CNTN5: variants seen among roughly 807,000 people sequenced by gnomAD.
CNTN5 encodes the protein contactin 5.
A neutral mutation model predicts 129.1 loss-of-function variants in CNTN5; 77 were observed. That is an observed-to-expected ratio of 0.60 (90% CI 0.50 to 0.72). CNTN5 has a LOEUF of 0.72. Among genes scored for constraint, CNTN5 ranks in the 30% least tolerant of loss-of-function variants. The pLI is 0.00. For synonymous variants in CNTN5, 509 were observed against 465.6 expected (o/e 1.09, Z -1.20); for missense variants, 1,478 against 1,328.8 (o/e 1.11, Z -1.75).
intron 3 of CNTN5, among the ~76,000 whole-genome samples, chr11:99,727,565 A>G (rs149397309): frequency 6.6e-6 from 1 of 150,822 alleles, no homozygotes; most frequent in Non-Finnish European, 1.5e-5. Flanking sequence ...TATATTTCCC[A>G]TTTCCAAGTA....
At chr11:99,834,829 A>C (rs943570645) in intron 4 of CNTN5, among the ~76,000 whole-genome samples, 8 of 152,184 alleles carry the variant, frequency 5.3e-5, no homozygotes, top group African/African-American at 1.9e-4. Flanking sequence ...ATATGATTTT[A>C]TAATTTACAA....
At chr11:99,970,754 T>C (rs1951227879) in intron 8 of CNTN5, among the ~76,000 whole-genome samples, 1 of 152,218 alleles carries the variant, frequency 6.6e-6, no homozygotes, top group African/African-American at 2.4e-5. Context: ...ATTGCTGTTG[T>C]TGTTTATTGT....
intron 2 of CNTN5, among the ~76,000 whole-genome samples, chr11:99,521,776 T>C (rs1158994741): frequency 6.6e-6 from 1 of 152,186 alleles, no homozygotes; most frequent in Non-Finnish European, 1.5e-5. Flanking sequence ...CAGTAATCAG[T>C]CTTTTCCTCG....
At chr11:100,241,278 G>A (rs563946999) in intron 16 of CNTN5, among the ~76,000 whole-genome samples, 2 of 152,110 alleles carry the variant, frequency 1.3e-5, no homozygotes, top group Non-Finnish European at 2.9e-5. Context: ...CACCTTCGAT[G>A]GATGGACAGC....
intron 9 of CNTN5, among the ~76,000 whole-genome samples, chr11:100,053,920 C>A (rs1053566740): frequency 2.0e-5 from 3 of 151,670 alleles, no homozygotes; most frequent in African/African-American, 7.2e-5. Context: ...TTAAATGAAT[C>A]TTATAAATCT....
intron 1 of CNTN5, among the ~76,000 whole-genome samples, chr11:99,150,850 C>T (rs923274206): frequency 6.6e-6 from 1 of 151,960 alleles, no homozygotes; most frequent in African/African-American, 2.4e-5. Context: ...GTAGAAGAAA[C>T]ATTAAATTCA....
intron 2 of CNTN5, among the ~76,000 whole-genome samples, chr11:99,385,081 G>T (rs1940841244): frequency 6.6e-6 from 1 of 152,086 alleles, no homozygotes; most frequent in African/African-American, 2.4e-5. Flanking sequence ...TTATTTTATG[G>T]TAAGCTATGT....
chr11:100,247,265 T>C (rs1258295204), intron 16 of CNTN5, among the ~76,000 whole-genome samples: 1 of 152,092 alleles, frequency 6.6e-6, no homozygotes, highest in Admixed American at 6.6e-5. Flanking sequence ...GGCAGAAGGA[T>C]AGATAATGAT....
chr11:99,377,554 A>G (rs1940259193), intron 2 of CNTN5, among the ~76,000 whole-genome samples: 1 of 152,094 alleles, frequency 6.6e-6, no homozygotes. Flanking sequence ...CTCACTTTCT[A>G]TGATAGACTT....
chr11:99,761,001 C>T (rs1302379973), intron 3 of CNTN5, among the ~76,000 whole-genome samples: 1 of 152,074 alleles, frequency 6.6e-6, no homozygotes, highest in African/African-American at 2.4e-5. Flanking sequence ...ATCATTGTCT[C>T]ATAGTTCTTG....
chr11:99,950,352 G>A (rs11222008), intron 7 of CNTN5, among the ~76,000 whole-genome samples: 10,695 of 152,090 alleles, frequency 0.07, 772 homozygotes, highest in East Asian at 0.31. Context: ...GTGGTGGTGG[G>A]CGCCTGTAGT....
intron 15 of CNTN5, among the ~76,000 whole-genome samples, chr11:100,213,892 A>G (rs1176756137): frequency 1.3e-5 from 2 of 152,164 alleles, no homozygotes; most frequent in African/African-American, 4.8e-5. Context: ...TTTTGCAGTC[A>G]GGTATTTTTT....
chr11:99,084,483 AGAT>A (rs1865919653), intron 1 of CNTN5, among the ~76,000 whole-genome samples: 1 of 152,202 alleles, frequency 6.6e-6, no homozygotes, highest in South Asian at 2.1e-4. Context: ...AAATAAATAC[AGAT>A]GATGATATTT....
At chr11:99,942,532 C>A (rs1950463129) in intron 7 of CNTN5, among the ~76,000 whole-genome samples, 1 of 152,000 alleles carries the variant, frequency 6.6e-6, no homozygotes, top group African/African-American at 2.4e-5. Context: ...CTTTTTAAAT[C>A]TTTAAGTTCT....
At chr11:100,308,520 T>C (rs1951406389) in intron 21 of CNTN5, 52 bp downstream of exon 21, 1 of 1,560,138 alleles carries the variant, frequency 6.4e-7, no homozygotes, top group Non-Finnish European at 8.7e-7. Flanking sequence ...TGACATCACA[T>C]TCTCCTAAAG....
chr11:100,285,647 T>A (rs935205688), intron 18 of CNTN5, among the ~76,000 whole-genome samples: 3 of 152,216 alleles, frequency 2.0e-5, no homozygotes, highest in Non-Finnish European at 2.9e-5. Flanking sequence ...GTCTTTGCTT[T>A]CTAGTTATTT....
chr11:100,246,515 G>A (rs1481668941), intron 16 of CNTN5, among the ~76,000 whole-genome samples: 2 of 152,002 alleles, frequency 1.3e-5, no homozygotes, highest in Non-Finnish European at 2.9e-5. Flanking sequence ...TAGCTCTTGG[G>A]TACAGCTCAT....
intron 1 of CNTN5, among the ~76,000 whole-genome samples, chr11:99,231,030 A>C (rs990430762): frequency 6.6e-6 from 1 of 152,104 alleles, no homozygotes; most frequent in African/African-American, 2.4e-5. Context: ...TATATGTGCC[A>C]TATTTGTTTA....
chr11:99,114,759 T>C (rs1857963845), intron 1 of CNTN5, among the ~76,000 whole-genome samples: 1 of 152,202 alleles, frequency 6.6e-6, no homozygotes, highest in African/African-American at 2.4e-5. Context: ...AAGCATCTTC[T>C]GTGTGTATAT....
Sources: gnomAD v4.1 joint callset for allele counts (sites outside exome capture counted in the v4.1 genomes callset) on GRCh38, gnomAD v4.1.1 for gene constraint, MANE v1.5 for transcripts, NCBI Gene and HGNC (gene_info 2026-07-23, HGNC 2026-07-21) for gene names.